DPYSL2: variants seen among roughly 807,000 people sequenced by gnomAD.
The protein encoded by DPYSL2 is dihydropyrimidinase like 2.
In DPYSL2, 13 loss-of-function variants were observed where a neutral mutation model predicts 69.9. The ratio of observed to expected loss-of-function variants is 0.19; its 90% CI spans 0.12 to 0.30. The LOEUF is 0.30. Ranked by LOEUF, DPYSL2 falls within the 10% of genes least tolerant of loss-of-function variation. DPYSL2 has a pLI of 1.00. For missense variants in DPYSL2, 587 were observed against 918.9 expected, an observed-to-expected ratio of 0.64 and a Z score of 4.67; for synonymous variants, 326 against 359.1, an observed-to-expected ratio of 0.91 and a Z score of 1.04.
At chr8:26,637,446 C>A (rs1174080152) in intron 8 of DPYSL2, 2 of 152,192 alleles carry the variant, frequency 1.3e-5, no homozygotes, top group Admixed American at 1.3e-4. Flanking sequence ...GGAATTGGGG[C>A]TTGACTGTCA....
At chr8:26,589,171 C>T (rs1413563950) in intron 3 of DPYSL2, among the ~76,000 whole-genome samples, 1 of 152,240 alleles carries the variant, frequency 6.6e-6, no homozygotes, top group African/African-American at 2.4e-5. Context: ...GCATTGTCAT[C>T]TCAGCCAGGG....
chr8:26,530,830 C>T (rs947771831), intron 1 of DPYSL2, among the ~76,000 whole-genome samples: 3 of 152,148 alleles, frequency 2.0e-5, no homozygotes, highest in Non-Finnish European at 4.4e-5. Context: ...AGATCTGCTA[C>T]CTCCTTTGCA....
chr8:26,597,215 A>G lies in DPYSL2; in HGVS notation c.628+13232A>G, dbSNP rs1801881098. Among the ~76,000 whole-genome samples, 1 of 152,172 alleles carries G rather than the reference A, an allele frequency of 6.6e-6. No individual in the cohort carries two copies. Among genetic ancestry groups the G allele is most frequent in the African/African-American group, 2.4e-5 (1 of 41,432 alleles). Reference sequence around the variant, plus strand: ...ATCCCAGAGGGGGATTTGGAGAGCAATCAAGAGGAGTAACTGATGCCATGC... The same window carrying G: ...ATCCCAGAGGGGGATTTGGAGAGCAGTCAAGAGGAGTAACTGATGCCATGC... On this transcript the variant is annotated intron_variant, in intron 3 of 13. Coordinates refer to ENST00000521913, the MANE Select transcript of DPYSL2 (RefSeq NM_001197293.3). The surrounding 1 kb of genome is among the most constrained non-coding windows in gnomAD (Gnocchi z 5.2).
At chr8:26,524,524 G>A (rs371797087) in intron 1 of DPYSL2, among the ~76,000 whole-genome samples, 15 of 152,012 alleles carry the variant, frequency 9.9e-5, no homozygotes, top group Non-Finnish European at 1.9e-4. Context: ...AGGGCCGAGC[G>A]CGCTAGCTCA....
Position 26,650,425 on chromosome 8 carries a change from C to T in DPYSL2, c.1597-1832C>T, listed in dbSNP as rs1007352801. 6.6e-5 allele frequency among the ~76,000 whole-genome samples: 10 copies of T among 152,194 alleles called. No homozygotes were observed. Among genetic ancestry groups the T allele is most frequent in the African/African-American group, 2.4e-4 (10 of 41,454 alleles). ...GATCCAGGCCTTAAAGGATGACTCA[C>T]ACCCTTTCAAAGGTTGTTTCTGAGA... On this transcript the variant is annotated intron_variant, in intron 11 of 13. Coordinates refer to ENST00000521913, the MANE Select transcript of DPYSL2 (RefSeq NM_001197293.3). This position sits in a 1 kb window ranked among gnomAD's most constrained non-coding sequence, Gnocchi z 5.3.
intron 1 of DPYSL2, among the ~76,000 whole-genome samples, chr8:26,568,452 C>T (rs147304188): frequency 2.6e-5 from 4 of 152,302 alleles, no homozygotes; most frequent in African/African-American, 9.6e-5. Flanking sequence ...AATTCTCACT[C>T]CTTGAAAACA....
At chr8:26,628,586 T>C (rs1802670554) in intron 7 of DPYSL2, among the ~76,000 whole-genome samples, 1 of 152,150 alleles carries the variant, frequency 6.6e-6, no homozygotes, top group Non-Finnish European at 1.5e-5. Context: ...TTTTCAGAAG[T>C]TGGTTCCTTA....
chr8:26,655,094 C>T (rs1387573383), intron 13 of DPYSL2, among the ~76,000 whole-genome samples: 1 of 151,876 alleles, frequency 6.6e-6, no homozygotes, highest in Non-Finnish European at 1.5e-5. Flanking sequence ...GCAATCTTCT[C>T]ACCTCAGCCT....
At chr8:26,547,596 G>C (rs1800793054) in intron 1 of DPYSL2, 1 of 153,488 alleles carries the variant, frequency 6.5e-6, no homozygotes, top group Non-Finnish European at 1.5e-5. Flanking sequence ...GCCTCTAATG[G>C]ACAAAAGTGA....
rs1449891819 is a variant in DPYSL2, at chr8:26,624,117, G to T, written c.629-26G>T. On this transcript the variant is annotated intron_variant, in intron 3 of 13. Transcript: ENST00000521913. The surrounding 1 kb of genome is among the most constrained non-coding windows in gnomAD (Gnocchi z 4.7). ...CACGGCCCTTGAGGCTCTTGGTGAT[G>T]ATGACATATGTCTGTTTCTTTCTAG... The T allele has an allele frequency of 1.2e-6, 2 of 1,613,264 alleles. No individual in the cohort carries two copies. Among genetic ancestry groups the T allele is most frequent in the East Asian group, 2.2e-5 (1 of 44,874 alleles).
At chr8:26,570,943 A>AGCAT (rs1250409245) in intron 1 of DPYSL2, among the ~76,000 whole-genome samples, 1 of 152,180 alleles carries the variant, frequency 6.6e-6, no homozygotes, top group Non-Finnish European at 1.5e-5. Context: ...CTATGCTTAG[A>AGCAT]GCATGGTAGG....
chr8:26,541,594 C>T (rs1056482956), intron 1 of DPYSL2, among the ~76,000 whole-genome samples: 5 of 151,912 alleles, frequency 3.3e-5, no homozygotes, highest in African/African-American at 1.2e-4. Flanking sequence ...TACTTTTAAC[C>T]CCAATGTAAA....
chr8:26,639,628 TC>T (rs1294867653), intron 8 of DPYSL2, among the ~76,000 whole-genome samples: 2 of 152,150 alleles, frequency 1.3e-5, no homozygotes, highest in Non-Finnish European at 2.9e-5. Flanking sequence ...TCTTCTTTTT[TC>T]CCCCACTTTG....
Position 26,524,801 on chromosome 8 carries a change from C to CA in DPYSL2, c.354+10157dup, listed in dbSNP as rs753822230. ...TGAAGGACAGAGAGAGACTCTGTCT[C>CA]AAAAAAAAAAAAAAAAAAAAAAAAA... On this transcript the variant is annotated intron_variant, in intron 1 of 13. Transcript: ENST00000521913. Among the ~76,000 whole-genome samples the CA allele has an allele frequency of 4.3e-3, 178 of 41,102 alleles. 16 individuals are homozygous for CA. Among genetic ancestry groups the CA allele is most frequent in the African/African-American group, 0.014 (140 of 10,008 alleles). The allele number at this position is 41,102 out of a possible 152,430, so 27.0% of individuals were successfully genotyped here. A position where few individuals can be genotyped will look rare whatever the true frequency, so the allele number is the denominator to read the frequency against.
Position 26,652,188 on chromosome 8 carries a change from G to A in DPYSL2, c.1597-69G>A. ...TTTGTCTCTGTGGGGTTGGGGCAGT[G>A]GGTGCTGCCGGGTGGATTGAGTCCA... is the stretch of plus-strand genomic sequence containing the variant. On this transcript the variant is annotated intron_variant, in intron 11 of 13. Coordinates refer to ENST00000521913, the MANE Select transcript of DPYSL2 (RefSeq NM_001197293.3). This position sits in a 1 kb window ranked among gnomAD's most constrained non-coding sequence, Gnocchi z 6.3. 6.9e-7 allele frequency: 1 copy of A among 1,453,622 alleles called. No homozygotes were observed. Among genetic ancestry groups the A allele is most frequent in the African/African-American group, 1.4e-5 (1 of 70,756 alleles). The allele number at this position is 1,453,622 out of a possible 1,614,324, so 90.0% of individuals were successfully genotyped here.
intron 3 of DPYSL2, among the ~76,000 whole-genome samples, chr8:26,589,198 T>G (rs559930325): frequency 2.3e-4 from 35 of 152,274 alleles, no homozygotes; most frequent in South Asian, 6.2e-4. Context: ...TCCCTTTCTT[T>G]CCCTGCTTCT....
chr8:26,639,888 C>T (rs546011877), intron 8 of DPYSL2, among the ~76,000 whole-genome samples: 1 of 152,206 alleles, frequency 6.6e-6, no homozygotes, highest in Non-Finnish European at 1.5e-5. Flanking sequence ...AACCTCAGAA[C>T]CCATTCAGAA....
At chr8:26,615,907 C>G (rs1226314447) in intron 3 of DPYSL2, among the ~76,000 whole-genome samples, 2 of 152,150 alleles carry the variant, frequency 1.3e-5, no homozygotes, top group Non-Finnish European at 2.9e-5. Flanking sequence ...TTGGAGGCAC[C>G]TAAATACTAC....
rs1803300433 is a variant in DPYSL2, at chr8:26,652,594, A to G, written c.1776+158A>G. Among the ~76,000 whole-genome samples the G allele has an allele frequency of 6.6e-6, 1 of 152,154 alleles. No individual in the cohort carries two copies. Among genetic ancestry groups the G allele is most frequent in the South Asian group, 2.1e-4 (1 of 4,824 alleles). ...ATTTTTTATTCCTGGCATTTAAAAT[A>G]CTGGAGAAGGAGTCAGTCGTGTCCA... On this transcript the variant is annotated intron_variant, in intron 12 of 13. Coordinates refer to ENST00000521913, the MANE Select transcript of DPYSL2 (RefSeq NM_001197293.3). The surrounding 1 kb of genome is among the most constrained non-coding windows in gnomAD (Gnocchi z 6.3).
Sources: allele counts gnomAD v4.1 joint callset (sites outside exome capture counted in the v4.1 genomes callset), GRCh38; gene constraint gnomAD v4.1.1; non-coding constraint Gnocchi (gnomAD v3.1); transcripts MANE v1.5; gene names NCBI Gene and HGNC (gene_info 2026-07-23, HGNC 2026-07-21).